Variants in PIK3C3 observed in about 807,000 individuals in gnomAD.
The protein encoded by PIK3C3 is phosphatidylinositol 3-kinase catalytic subunit type 3.
PIK3C3 carries 95 observed loss-of-function variants against 126.1 expected under a neutral mutation model. The observed-to-expected ratio is 0.75, with a 90% CI of 0.64 to 0.89. The LOEUF (loss-of-function observed/expected upper bound fraction) is 0.89. PIK3C3 is among the 40% of genes least tolerant of loss of function. PIK3C3 has a pLI of 0.00. For synonymous variants in PIK3C3, 374 were observed against 360.0 expected, an observed-to-expected ratio of 1.04 and a Z score of -0.44; for missense variants, 829 against 1,063.2, an observed-to-expected ratio of 0.78 and a Z score of 3.06.
intron 4 of PIK3C3, among the ~76,000 whole-genome samples, chr18:41,982,029 T>G (rs1420349060): frequency 6.6e-6 from 1 of 152,064 alleles, no homozygotes; most frequent in East Asian, 1.9e-4. Context: ...TTGAGACGCT[T>G]ATTGTCTTTT....
intron 24 of PIK3C3, among the ~76,000 whole-genome samples, chr18:42,079,186 C>T (rs567041027): frequency 2.8e-4 from 43 of 152,242 alleles, no homozygotes; most frequent in African/African-American, 5.8e-4. Context: ...CAGAGATATG[C>T]GACTCTTCCC....
chr18:42,027,948 A>G (rs1983647220), intron 14 of PIK3C3, among the ~76,000 whole-genome samples: 1 of 152,128 alleles, frequency 6.6e-6, no homozygotes, highest in Non-Finnish European at 1.5e-5. Context: ...GAGCCACTAT[A>G]CCTGGCCTGG....
intron 2 of PIK3C3, among the ~76,000 whole-genome samples, chr18:41,959,438 G>A (rs2144288439): frequency 6.6e-6 from 1 of 152,072 alleles, no homozygotes; most frequent in Admixed American, 6.5e-5. Flanking sequence ...GAAAGTACTG[G>A]AAAGTACGCT....
intron 24 of PIK3C3, among the ~76,000 whole-genome samples, chr18:42,072,512 T>G (rs1985815857): frequency 6.6e-6 from 1 of 152,160 alleles, no homozygotes; most frequent in African/African-American, 2.4e-5. Context: ...TCTTTGAAAT[T>G]GCATCATTGT....
At chr18:42,039,707 C>A (rs1036793142) in intron 18 of PIK3C3, among the ~76,000 whole-genome samples, 1 of 152,166 alleles carries the variant, frequency 6.6e-6, no homozygotes, top group Non-Finnish European at 1.5e-5. Flanking sequence ...AGATGTCCTT[C>A]GATCCCTACT....
chr18:41,987,746 G>A (rs1981560615), intron 4 of PIK3C3, 66 bp from the exon 5 acceptor site: 5 of 994,848 alleles, frequency 5.0e-6, no homozygotes, highest in African/African-American at 1.6e-5. Context: ...TTGCCATTCT[G>A]ACATTTTTGG....
At chr18:42,042,356 T>C (rs924381923) in intron 19 of PIK3C3, among the ~76,000 whole-genome samples, 1 of 152,244 alleles carries the variant, frequency 6.6e-6, no homozygotes, top group Non-Finnish European at 1.5e-5. Context: ...TTGATTCTAC[T>C]GTGTATCCGT....
At chr18:41,958,843 C>G (rs1011135826) in intron 2 of PIK3C3, among the ~76,000 whole-genome samples, 1 of 151,988 alleles carries the variant, frequency 6.6e-6, no homozygotes, top group African/African-American at 2.4e-5. Flanking sequence ...ACAGTGAACG[C>G]CTAAGTTTCT....
chr18:42,066,512 C>T (rs1985545358), intron 23 of PIK3C3, among the ~76,000 whole-genome samples: 1 of 152,174 alleles, frequency 6.6e-6, no homozygotes, highest in African/African-American at 2.4e-5. Context: ...GTAGGATTGT[C>T]TGGAAGCATG....
At chr18:42,052,789 G>A (rs982357837) in intron 21 of PIK3C3, 2 of 152,036 alleles carry the variant, frequency 1.3e-5, no homozygotes, top group East Asian at 1.9e-4. Flanking sequence ...AAAATGCCTC[G>A]ACTGTCATGA....
At chr18:42,076,843 A>G (rs1986052340) in intron 24 of PIK3C3, among the ~76,000 whole-genome samples, 2 of 152,184 alleles carry the variant, frequency 1.3e-5, no homozygotes, top group Admixed American at 1.3e-4. Flanking sequence ...GCTTTTAGTA[A>G]GGTTAGTTTT....
chr18:42,017,030 A>AT (rs1477654391), intron 12 of PIK3C3, among the ~76,000 whole-genome samples: 1 of 152,130 alleles, frequency 6.6e-6, no homozygotes, highest in East Asian at 1.9e-4. Context: ...TTGTTATTCA[A>AT]TGATTAAGCC....
chr18:42,035,652 T>C (rs1219884629), intron 16 of PIK3C3, among the ~76,000 whole-genome samples: 1 of 152,160 alleles, frequency 6.6e-6, no homozygotes, highest in Non-Finnish European at 1.5e-5. Context: ...AGTGTCTCTG[T>C]GTAGGGAGTT....
At chr18:42,042,417 A>T (rs1271011498) in intron 19 of PIK3C3, among the ~76,000 whole-genome samples, 1 of 152,040 alleles carries the variant, frequency 6.6e-6, no homozygotes, top group Non-Finnish European at 1.5e-5. Flanking sequence ...AGTCTGTAAG[A>T]CCTTCTAGCA....
At chr18:41,988,035 C>A in intron 5 of PIK3C3, 137 bp downstream of exon 5, 1 of 549,026 alleles carries the variant, frequency 1.8e-6, no homozygotes, top group Non-Finnish European at 3.2e-6. Flanking sequence ...GAATTCTATG[C>A]TAATAACTGG....
At chr18:42,065,424 A>G (rs1261081012) in intron 23 of PIK3C3, among the ~76,000 whole-genome samples, 1 of 152,230 alleles carries the variant, frequency 6.6e-6, no homozygotes, top group Non-Finnish European at 1.5e-5. Context: ...GAAGAACAAA[A>G]TGAAAATTAT....
Position 42,037,706 on chromosome 18 carries a change from T to C in PIK3C3, c.1854T>C (p.Pro618=), listed in dbSNP as rs1984117616. 1 of 1,611,862 alleles carries C rather than the reference T, an allele frequency of 6.2e-7. No individual in the cohort carries two copies. The highest frequency in any genetic ancestry group is 1.7e-5 in the Admixed American group (1 of 59,888). ...TATLFKSALM[P]AQLFFKTEDG... is the part of the protein sequence containing the mutation. ...TTATTTTCCAGAGTGCCCTTATGCC[T>C]GCACAGTTGTTTTTTAAGACGGAAG... Residue 618 remains proline, a synonymous_variant, in exon 17 of 25, where the codon CCT becomes CCC. Transcript: ENST00000262039.
intron 3 of PIK3C3, among the ~76,000 whole-genome samples, chr18:41,963,338 T>C (rs1323249476): frequency 6.6e-6 from 1 of 152,258 alleles, no homozygotes. Context: ...TGTGCCCTAG[T>C]AACTTGCAAA....
intron 24 of PIK3C3, among the ~76,000 whole-genome samples, chr18:42,071,940 A>G (rs978514081): frequency 6.6e-6 from 1 of 152,166 alleles, no homozygotes; most frequent in African/African-American, 2.4e-5. Flanking sequence ...TTGTTTAGGC[A>G]CTGAAGCATA....
Sources: allele counts gnomAD v4.1 joint callset (sites outside exome capture counted in the v4.1 genomes callset), GRCh38; gene constraint gnomAD v4.1.1; transcripts MANE v1.5; gene names NCBI Gene and HGNC (gene_info 2026-07-23, HGNC 2026-07-21).